RETREG1: variants seen among roughly 807,000 people sequenced by gnomAD.
RETREG1 encodes the protein reticulophagy regulator 1, also known as family with sequence similarity 134 member B.
In RETREG1, 44 loss-of-function variants were observed where a neutral mutation model predicts 54.8. That is an observed-to-expected ratio of 0.80 (90% CI 0.63 to 1.03). The LOEUF is 1.03. Ranked by LOEUF, RETREG1 falls within the 50% of genes least tolerant of loss-of-function variation. RETREG1 has a pLI of 0.00. For missense variants in RETREG1, 554 were observed against 605.1 expected (o/e 0.92, Z 0.89); for synonymous variants, 217 against 238.5 (o/e 0.91, Z 0.83).
At chr5:16,477,229 AC>A (rs1315974500) in intron 8 of RETREG1, among the ~76,000 whole-genome samples, 2 of 152,184 alleles carry the variant, frequency 1.3e-5, no homozygotes, top group Non-Finnish European at 1.5e-5. Context: ...CACCAAAAAA[AC>A]ACCCTTCTAA....
intron 3 of RETREG1, among the ~76,000 whole-genome samples, chr5:16,494,794 T>C (rs1739390785): frequency 6.6e-6 from 1 of 152,116 alleles, no homozygotes; most frequent in African/African-American, 2.4e-5. Flanking sequence ...GGCATTGCTG[T>C]AAAGATAAAT....
At chr5:16,477,950 T>C in intron 7 of RETREG1, 84 bp downstream of exon 7, 1 of 1,341,248 alleles carries the variant, frequency 7.5e-7, no homozygotes. Context: ...AGGAGTTTAT[T>C]AGGAAGATCA....
At chr5:16,574,648 G>T (rs752973937) in intron 1 of RETREG1, among the ~76,000 whole-genome samples, 4 of 152,174 alleles carry the variant, frequency 2.6e-5, no homozygotes, top group East Asian at 1.9e-4. Flanking sequence ...CTGCTGCCAG[G>T]TTGGCTGCCT....
chr5:16,515,892 T>C (rs1740336509), intron 3 of RETREG1, among the ~76,000 whole-genome samples: 1 of 152,098 alleles, frequency 6.6e-6, no homozygotes, highest in Admixed American at 6.5e-5. Flanking sequence ...CAAACACATT[T>C]GAGGCTATTC....
chr5:16,549,425 C>T (rs1227130348), intron 3 of RETREG1, among the ~76,000 whole-genome samples: 1 of 152,110 alleles, frequency 6.6e-6, no homozygotes, highest in Non-Finnish European at 1.5e-5. Flanking sequence ...TTGAACCGCT[C>T]ATATATTAAT....
At chr5:16,569,383 C>T (rs1264928896) in intron 2 of RETREG1, among the ~76,000 whole-genome samples, 15 of 151,270 alleles carry the variant, frequency 9.9e-5, no homozygotes, top group African/African-American at 2.4e-4. Context: ...CCTTGGACAA[C>T]GGCCTGATCT....
chr5:16,562,956 A>G (rs1239290798), intron 3 of RETREG1, among the ~76,000 whole-genome samples: 1 of 152,010 alleles, frequency 6.6e-6, no homozygotes, highest in East Asian at 1.9e-4. Context: ...TGATTGTACC[A>G]CACCAATGTA....
At chr5:16,560,146 C>T (rs1324011088) in intron 3 of RETREG1, among the ~76,000 whole-genome samples, 3 of 152,216 alleles carry the variant, frequency 2.0e-5, no homozygotes, top group Admixed American at 1.3e-4. Flanking sequence ...TTTACCATTA[C>T]ATTCAGTGTG....
Position 16,597,847 on chromosome 5 carries a change from C to A in RETREG1, c.320+18805G>T, listed in dbSNP as rs1409200992. ...AGAGGTCCCAGTCCTGGAACTAGTACCTAAGCCCCTGAAGATCTGGACCTG... is the reference window on the plus strand; with the variant it reads ...AGAGGTCCCAGTCCTGGAACTAGTAACTAAGCCCCTGAAGATCTGGACCTG... On this transcript the variant is annotated intron_variant, in intron 1 of 8. Coordinates refer to ENST00000306320, the MANE Select transcript of RETREG1 (RefSeq NM_001034850.3). This position sits in a 1 kb window ranked among gnomAD's most constrained non-coding sequence, Gnocchi z 4.3. Among the ~76,000 whole-genome samples the A allele has an allele frequency of 2.0e-5, 3 of 152,106 alleles. No homozygotes were observed. Among genetic ancestry groups the A allele is most frequent in the African/African-American group, 4.8e-5 (2 of 41,422 alleles).
rs141700901 is a variant in RETREG1, at chr5:16,583,078, C to T, written c.321-10976G>A. On this transcript the variant is annotated intron_variant, in intron 1 of 8. Coordinates refer to ENST00000306320, the MANE Select transcript of RETREG1 (RefSeq NM_001034850.3). ...GTCACAGCAAAGCAGCCAGGCCAGCCAGAGAGCAGGGACAGGTGCTGGGCT... is the reference window on the plus strand; with the variant it reads ...GTCACAGCAAAGCAGCCAGGCCAGCTAGAGAGCAGGGACAGGTGCTGGGCT... Among the ~76,000 whole-genome samples the T allele has an allele frequency of 4.1e-3, 629 of 152,272 alleles. 4 individuals carry two copies. Among genetic ancestry groups the T allele is most frequent in the African/African-American group, 0.014 (592 of 41,532 alleles).
intron 3 of RETREG1, among the ~76,000 whole-genome samples, chr5:16,537,365 C>T (rs1328381807): frequency 6.6e-6 from 1 of 152,170 alleles, no homozygotes; most frequent in African/African-American, 2.4e-5. Flanking sequence ...CCTGGAAATT[C>T]CGCGGAGGCT....
intron 3 of RETREG1, among the ~76,000 whole-genome samples, chr5:16,485,951 GA>G (rs909351662): frequency 6.6e-5 from 10 of 151,994 alleles, no homozygotes; most frequent in African/African-American, 2.2e-4. Context: ...TGGAAAGAAA[GA>G]AAAAAATATG....
intron 3 of RETREG1, among the ~76,000 whole-genome samples, chr5:16,486,890 A>C (rs1444721533): frequency 1.3e-5 from 2 of 152,188 alleles, no homozygotes; most frequent in Admixed American, 1.3e-4. Context: ...TGGTTGGTTG[A>C]TGTTTAACAC....
intron 1 of RETREG1, among the ~76,000 whole-genome samples, chr5:16,577,289 GTTT>G (rs60991994): frequency 6.8e-4 from 96 of 141,212 alleles, no homozygotes; most frequent in African/African-American, 2.4e-3. Context: ...ACTTAGGTTT[GTTT>G]TTTTTTTTTT....
In RETREG1 at chr5:16,597,707, C is replaced by G. The variant is rs1742942345; in HGVS notation, c.320+18945G>C. The stretch of plus-strand genomic sequence containing the variant: ...CCCCTTGCTGCCCCACTCTCAGCCT[C>G]CAACATGTCTCCCACATGCCCCTCC... On this transcript the variant is annotated intron_variant, in intron 1 of 8. Coordinates refer to ENST00000306320, the MANE Select transcript of RETREG1 (RefSeq NM_001034850.3). The surrounding 1 kb of genome is among the most constrained non-coding windows in gnomAD (Gnocchi z 4.3). Among the ~76,000 whole-genome samples, 1 of 152,170 alleles carries G rather than the reference C, an allele frequency of 6.6e-6. No individual in the cohort carries two copies. Among genetic ancestry groups the G allele is most frequent in the Non-Finnish European group, 1.5e-5 (1 of 68,032 alleles).
At chr5:16,576,947 C>A (rs1485265206) in intron 1 of RETREG1, among the ~76,000 whole-genome samples, 1 of 152,136 alleles carries the variant, frequency 6.6e-6, no homozygotes, top group Non-Finnish European at 1.5e-5. Context: ...AATAACAATA[C>A]CACCATCACA....
At chr5:16,610,542 A>T (rs1326115954) in intron 1 of RETREG1, among the ~76,000 whole-genome samples, 1 of 152,210 alleles carries the variant, frequency 6.6e-6, no homozygotes. Context: ...ATCTACAAAG[A>T]ACTTAAACAA....
At chr5:16,524,503 A>T (rs1428836069) in intron 3 of RETREG1, among the ~76,000 whole-genome samples, 1 of 152,222 alleles carries the variant, frequency 6.6e-6, no homozygotes, top group African/African-American at 2.4e-5. Flanking sequence ...TACTTTCAGC[A>T]TCAAACCATG....
At chr5:16,544,853 G>A (rs1311262877) in intron 3 of RETREG1, among the ~76,000 whole-genome samples, 2 of 152,110 alleles carry the variant, frequency 1.3e-5, no homozygotes, top group African/African-American at 2.4e-5. Flanking sequence ...AGCAAAATGA[G>A]GCCTAGAATG....
Sources: allele counts gnomAD v4.1 joint callset (sites outside exome capture counted in the v4.1 genomes callset), GRCh38; gene constraint gnomAD v4.1.1; non-coding constraint Gnocchi (gnomAD v3.1); transcripts MANE v1.5; gene names NCBI Gene and HGNC (gene_info 2026-07-23, HGNC 2026-07-21).